FCN2: variants seen among roughly 807,000 people sequenced by gnomAD.
FCN2 encodes the protein ficolin-2.
In FCN2, 31 loss-of-function variants were observed where a neutral mutation model predicts 32.5. The ratio of observed to expected loss-of-function variants is 0.96; its 90% CI spans 0.72 to 1.29. The LOEUF (loss-of-function observed/expected upper bound fraction) is 1.29. Among genes scored for constraint, FCN2 ranks in the 50% most tolerant of loss-of-function variants. FCN2 has a pLI of 0.00. For missense variants in FCN2, 412 were observed against 406.5 expected (o/e 1.01, Z -0.12); for synonymous variants, 181 against 164.5 (o/e 1.10, Z -0.77).
In FCN2 at chr9:134,887,399, A is replaced by T. The variant is rs143889100; in HGVS notation, c.926A>T (p.Lys309Met). The T allele has an allele frequency of 6.2e-7, 1 of 1,614,008 alleles. No individual in the cohort carries two copies. The highest frequency in any genetic ancestry group is 1.1e-5 in the South Asian group (1 of 91,072). Reference protein sequence around the residue: ...YNYSYKVSEMKVRPA With the variant: ...YNYSYKVSEMMVRPA ...TATAGCTACAAGGTGTCAGAGATGAAGGTGCGACCTGCCTAGCCCAGGCCG... is the reference window on the plus strand; with the variant it reads ...TATAGCTACAAGGTGTCAGAGATGATGGTGCGACCTGCCTAGCCCAGGCCG... The change falls in exon 8 of 8, where the codon AAG becomes ATG. Residue 309 changes from lysine (K) to methionine (M), a missense_variant. Transcript: ENST00000291744.
rs190720787 is a variant in FCN2 at position 134,881,554 on chromosome 9, A to T, written c.100+633A>T. Among the ~76,000 whole-genome samples the T allele has an allele frequency of 5.6e-3, 859 of 152,306 alleles. 6 individuals are homozygous for T. Among genetic ancestry groups the T allele is most frequent in the African/African-American group, 0.02 (817 of 41,566 alleles). ...GGTTGAAAATGCAGGTTCTGGAGTC[A>T]GGTCCTGACTCCGTCTACCCGGGGC... On this transcript the variant is annotated intron_variant, in intron 1 of 7. Coordinates refer to ENST00000291744, the MANE Select transcript of FCN2 (RefSeq NM_004108.3).
chr9:134,886,052 G>A (rs1053092321), intron 6 of FCN2, among the ~76,000 whole-genome samples, 155 bp downstream of exon 6: 8 of 152,296 alleles, frequency 5.3e-5, no homozygotes, highest in African/African-American at 1.2e-4. Context: ...CGAGGGCTTC[G>A]TCCCTGCTGC....
Position 134,887,429 on chromosome 9 carries a change from C to A in FCN2, c.*14C>A. On this transcript the variant is annotated 3_prime_UTR_variant, in exon 8 of 8. Coordinates refer to ENST00000291744, the MANE Select transcript of FCN2 (RefSeq NM_004108.3). Reference sequence around the variant, plus strand: ...CGACCTGCCTAGCCCAGGCCGGCCTCAGGGTCAGGACGCCTCCACACATAG... The same window carrying A: ...CGACCTGCCTAGCCCAGGCCGGCCTAAGGGTCAGGACGCCTCCACACATAG... 1 of 1,613,766 alleles carries A rather than the reference C, an allele frequency of 6.2e-7. No individual in the cohort carries two copies.
the FCN2 span, among the ~76,000 whole-genome samples, chr9:134,869,167 C>A: frequency 6.6e-6 from 1 of 152,214 alleles, no homozygotes; most frequent in South Asian, 2.1e-4. Flanking sequence ...TTCCTGCCAC[C>A]TGCCTCCTAG....
chr9:134,867,096 T>A, the FCN2 span, among the ~76,000 whole-genome samples: 1 of 128,900 alleles, frequency 7.8e-6, no homozygotes, highest in East Asian at 2.3e-4. Flanking sequence ...TCCTCAGGGA[T>A]CTAGAACTAG....
chr9:134,872,230 C>A, the FCN2 span, among the ~76,000 whole-genome samples: 1 of 152,048 alleles, frequency 6.6e-6, no homozygotes, highest in Non-Finnish European at 1.5e-5. Flanking sequence ...ATCCATTCAG[C>A]GGAGTCGTAC....
intron 7 of FCN2, 45 bp downstream of exon 7, chr9:134,886,609 G>T (rs776073005): frequency 7.5e-6 from 12 of 1,609,526 alleles, no homozygotes; most frequent in Non-Finnish European, 1.0e-5. Context: ...TCTGAGGGGG[G>T]TTTGGGAAGT....
rs138686768 is a variant in FCN2, at chr9:134,886,524, G to T, written c.654G>T (p.Lys218Asn). The T allele has an allele frequency of 3.1e-6, 5 of 1,614,200 alleles. No individual in the cohort carries two copies. In the African/African-American group the frequency reaches 6.7e-5, roughly 22 times the overall value. ...TCAAGGTGGCCGACGAGGCGGAGAAGTACAATCTGGTCCTGGGGGCCTTCG... is the reference window on the plus strand; with the variant it reads ...TCAAGGTGGCCGACGAGGCGGAGAATTACAATCTGGTCCTGGGGGCCTTCG... ...RSFKVADEAE[K>N]YNLVLGAFVE... Residue 218 changes from lysine (K) to asparagine (N), a missense_variant, in exon 7 of 8, where the codon AAG (lysine) becomes AAT (asparagine). By Grantham distance (94) the Lys-to-Asn change is moderately conservative (BLOSUM62 0). Coordinates refer to ENST00000291744, the MANE Select transcript of FCN2 (RefSeq NM_004108.3).
intron 4 of FCN2, 130 bp downstream of exon 4, chr9:134,884,902 C>T: frequency 2.3e-6 from 2 of 873,184 alleles, no homozygotes; most frequent in Non-Finnish European, 1.9e-6. Flanking sequence ...TTGCCCGTTT[C>T]CTTGTCCCCT....
At chr9:134,884,177 C>A (rs1830709141) in intron 3 of FCN2, among the ~76,000 whole-genome samples, 1 of 152,126 alleles carries the variant, frequency 6.6e-6, no homozygotes, top group African/African-American at 2.4e-5. Context: ...AAAGAATTTT[C>A]TGATATATTT....
chr9:134,880,698 C>T (rs898175456), upstream of FCN2: 66 of 778,578 alleles, frequency 8.5e-5, no homozygotes, highest in Non-Finnish European at 5.4e-5. Flanking sequence ...CTCCTGCTGG[C>T]GTCACCAAGC....
At chr9:134,870,422 G>T in the FCN2 span, among the ~76,000 whole-genome samples, 1 of 152,108 alleles carries the variant, frequency 6.6e-6, no homozygotes, top group Non-Finnish European at 1.5e-5. The surrounding 1 kb of genome is among the most constrained non-coding windows in gnomAD (Gnocchi z 4.3). Context: ...TCACCCCCAG[G>T]GTGACGCCTG....
the FCN2 span, among the ~76,000 whole-genome samples, chr9:134,869,401 A>C: frequency 1.2e-4 from 18 of 152,156 alleles, no homozygotes; most frequent in Non-Finnish European, 2.6e-4. Context: ...AGGCCTGACA[A>C]CACCTGTTTT....
At chr9:134,876,345 C>A (rs957643214), upstream of FCN2, among the ~76,000 whole-genome samples, 2 of 152,140 alleles carry the variant, frequency 1.3e-5, no homozygotes, top group African/African-American at 4.8e-5. Flanking sequence ...GGAAGAATTG[C>A]TATTATTTCT....
At position 134,887,441 on chromosome 9, in the gene FCN2, G is replaced by T; in HGVS notation, c.*26G>T. The T allele has an allele frequency of 6.2e-7, 1 of 1,611,650 alleles. No individual in the cohort carries two copies. ...CCCAGGCCGGCCTCAGGGTCAGGAC[G>T]CCTCCACACATAGTTGGTTGGGGGG... On this transcript the variant is annotated 3_prime_UTR_variant, in exon 8 of 8. Coordinates refer to ENST00000291744, the MANE Select transcript of FCN2 (RefSeq NM_004108.3).
chr9:134,867,816 G>A, the FCN2 span, among the ~76,000 whole-genome samples: 1 of 152,086 alleles, frequency 6.6e-6, no homozygotes, highest in Non-Finnish European at 1.5e-5. Context: ...CCAAGGTCTG[G>A]GAGGGAAAAT....
upstream of FCN2, among the ~76,000 whole-genome samples, chr9:134,877,358 T>C (rs537594633): frequency 1.3e-5 from 2 of 152,330 alleles, no homozygotes; most frequent in East Asian, 3.9e-4. Flanking sequence ...CAATTCAAAA[T>C]TCTTTCTAAT....
the FCN2 span, among the ~76,000 whole-genome samples, chr9:134,872,636 G>A: frequency 6.6e-6 from 1 of 152,164 alleles, no homozygotes; most frequent in African/African-American, 2.4e-5. Context: ...AGACAAGAGA[G>A]AGCGTGGTGC....
intron 2 of FCN2, 135 bp downstream of exon 2, chr9:134,882,774 C>A (rs1394241472): frequency 1.3e-5 from 8 of 636,438 alleles, no homozygotes; most frequent in Middle Eastern, 2.6e-4. Flanking sequence ...AAAGAACTGA[C>A]TCCCAGGGCC....
Sources: gnomAD v4.1 joint callset for allele counts (sites outside exome capture counted in the v4.1 genomes callset) on GRCh38, gnomAD v4.1.1 for gene constraint, Gnocchi (gnomAD v3.1) non-coding constraint, MANE v1.5 for transcripts, NCBI Gene and HGNC (gene_info 2026-07-23, HGNC 2026-07-21) for gene names.